Variants in ZRANB3 observed in about 807,000 individuals in gnomAD.
ZRANB3 encodes zinc finger RANBP2-type containing 3.
ZRANB3 carries 125 observed loss-of-function variants against 133.8 expected under a neutral mutation model. The observed-to-expected ratio is 0.93, with a 90% CI of 0.81 to 1.08. The LOEUF is 1.08. Ranked by LOEUF, ZRANB3 falls within the 50% of genes least tolerant of loss-of-function variation. The pLI, the probability that ZRANB3 is intolerant of heterozygous loss-of-function variation, is 0.00. For synonymous variants in ZRANB3, 387 were observed against 432.7 expected, an observed-to-expected ratio of 0.89 and a Z score of 1.31; for missense variants, 1,229 against 1,275.5, an observed-to-expected ratio of 0.96 and a Z score of 0.56.
intron 1 of ZRANB3, among the ~76,000 whole-genome samples, chr2:135,518,423 G>A (rs1054011813): frequency 1.6e-4 from 25 of 152,158 alleles, no homozygotes; most frequent in Admixed American, 4.6e-4. Flanking sequence ...TGTGGGTTAC[G>A]AAGCCCATGG....
intron 2 of ZRANB3, among the ~76,000 whole-genome samples, chr2:135,473,300 C>G (rs1691359312): frequency 6.6e-6 from 1 of 152,122 alleles, no homozygotes; most frequent in South Asian, 2.1e-4. Context: ...ATGGTAACAG[C>G]AACTCATCTA....
chr2:135,449,163 G>A (rs1241520717), intron 2 of ZRANB3, among the ~76,000 whole-genome samples: 1 of 152,188 alleles, frequency 6.6e-6, no homozygotes, highest in Non-Finnish European at 1.5e-5. Context: ...GGTGTCCATA[G>A]CACCAGGTGA....
At chr2:135,508,248 C>G (rs1693283132) in intron 1 of ZRANB3, among the ~76,000 whole-genome samples, 1 of 152,174 alleles carries the variant, frequency 6.6e-6, no homozygotes, top group African/African-American at 2.4e-5. Flanking sequence ...CGCCATTCTC[C>G]TGCCTCAGCC....
At chr2:135,263,615 T>C (rs758360879) in intron 12 of ZRANB3, among the ~76,000 whole-genome samples, 1 of 152,120 alleles carries the variant, frequency 6.6e-6, no homozygotes, top group African/African-American at 2.4e-5. Flanking sequence ...ATATATTGTG[T>C]GCCAGAAAGC....
chr2:135,208,439 G>C (rs1280415473), intron 18 of ZRANB3, among the ~76,000 whole-genome samples: 1 of 152,226 alleles, frequency 6.6e-6, no homozygotes, highest in African/African-American at 2.4e-5. Flanking sequence ...CAATTTGTTA[G>C]AATAAAAGAA....
chr2:135,298,154 G>A (rs1260257638), intron 8 of ZRANB3, among the ~76,000 whole-genome samples: 1 of 152,110 alleles, frequency 6.6e-6, no homozygotes, highest in Non-Finnish European at 1.5e-5. Flanking sequence ...CTTGAACCCG[G>A]GAGGCAGAGG....
intron 3 of ZRANB3, among the ~76,000 whole-genome samples, chr2:135,385,568 T>C (rs1390558969): frequency 2.0e-5 from 3 of 152,170 alleles, no homozygotes; most frequent in Non-Finnish European, 4.4e-5. Flanking sequence ...GGAAGCATCA[T>C]GCTACCTGGC....
intron 2 of ZRANB3, among the ~76,000 whole-genome samples, chr2:135,466,941 G>C (rs1691026586): frequency 6.6e-6 from 1 of 152,116 alleles, no homozygotes; most frequent in Admixed American, 6.6e-5. Flanking sequence ...TTACAGGCGT[G>C]AGCTACCGCG....
intron 2 of ZRANB3, among the ~76,000 whole-genome samples, chr2:135,420,037 T>C (rs754380114): frequency 1.9e-4 from 28 of 148,060 alleles, no homozygotes; most frequent in Admixed American, 6.1e-4. Context: ...CATATATATG[T>C]ACCTTTTGTG....
chr2:135,484,444 T>C (rs1691998639), intron 2 of ZRANB3, among the ~76,000 whole-genome samples: 1 of 152,184 alleles, frequency 6.6e-6, no homozygotes, highest in African/African-American at 2.4e-5. Flanking sequence ...ATTATTACAT[T>C]GTCAATTATT....
intron 2 of ZRANB3, among the ~76,000 whole-genome samples, chr2:135,467,979 G>A (rs1174846737): frequency 1.3e-5 from 2 of 152,172 alleles, no homozygotes; most frequent in Non-Finnish European, 2.9e-5. Flanking sequence ...TGAGTCTTCT[G>A]CAGAATTTAT....
At chr2:135,232,017 G>C (rs1458707703) in intron 12 of ZRANB3, among the ~76,000 whole-genome samples, 2 of 152,208 alleles carry the variant, frequency 1.3e-5, no homozygotes, top group Admixed American at 6.5e-5. Context: ...GGAAGCGCAA[G>C]GGGTCAGGGA....
intron 2 of ZRANB3, among the ~76,000 whole-genome samples, chr2:135,463,480 T>C (rs192609304): frequency 6.6e-6 from 1 of 151,860 alleles, no homozygotes; most frequent in African/African-American, 2.4e-5. Context: ...TGCAGTGGTG[T>C]GATTTCGGCT....
chr2:135,241,104 A>G (rs1695529925), intron 12 of ZRANB3, among the ~76,000 whole-genome samples: 1 of 152,120 alleles, frequency 6.6e-6, no homozygotes, highest in Non-Finnish European at 1.5e-5. Flanking sequence ...TTTGAATACT[A>G]TTATCTTTAG....
intron 1 of ZRANB3, among the ~76,000 whole-genome samples, chr2:135,528,983 G>T (rs921906953): frequency 6.6e-6 from 1 of 152,228 alleles, no homozygotes; most frequent in Non-Finnish European, 1.5e-5. Flanking sequence ...ACTTGACTTA[G>T]AGATTGAAAC....
chr2:135,330,268 C>A (rs1021917954), intron 6 of ZRANB3, among the ~76,000 whole-genome samples: 4 of 152,048 alleles, frequency 2.6e-5, no homozygotes, highest in African/African-American at 9.7e-5. Flanking sequence ...GCATGAAGGG[C>A]TGTTGAATTT....
At chr2:135,423,058 G>C (rs1400639073) in intron 2 of ZRANB3, among the ~76,000 whole-genome samples, 1 of 152,166 alleles carries the variant, frequency 6.6e-6, no homozygotes, top group Non-Finnish European at 1.5e-5. Flanking sequence ...AATCCTTGGT[G>C]TTCCTTGGTT....
intron 2 of ZRANB3, among the ~76,000 whole-genome samples, chr2:135,403,724 C>A (rs1240278890): frequency 6.6e-6 from 1 of 152,214 alleles, no homozygotes; most frequent in South Asian, 2.1e-4. Context: ...ACTGACACCT[C>A]ACACGGCCGG....
chr2:135,259,360 C>T (rs58701472), intron 12 of ZRANB3, among the ~76,000 whole-genome samples: 154 of 152,038 alleles, frequency 1.0e-3, no homozygotes, highest in African/African-American at 3.7e-3. Context: ...TGCTAAAGAG[C>T]TCTCCTAACT....
Sources: gnomAD v4.1 joint callset for allele counts (sites outside exome capture counted in the v4.1 genomes callset) on GRCh38, gnomAD v4.1.1 for gene constraint, MANE v1.5 for transcripts, NCBI Gene and HGNC (gene_info 2026-07-23, HGNC 2026-07-21) for gene names.